The following MCTP2 variants were observed in gnomAD, a reference collection of about 807,000 sequenced individuals.
MCTP2 encodes multiple C2 and transmembrane domain containing 2.
Under a neutral mutation model 111.6 loss-of-function variants are expected in MCTP2, and 132 were observed. The ratio of observed to expected loss-of-function variants is 1.18; its 90% CI spans 1.03 to 1.37. MCTP2 has a LOEUF of 1.37. Ranked by LOEUF, MCTP2 falls within the 40% of genes most tolerant of loss-of-function variation. The pLI is 0.00. For missense variants in MCTP2, 1,183 were observed against 1,067.9 expected (o/e 1.11, Z -1.50); for synonymous variants, 395 against 387.7 (o/e 1.02, Z -0.22).
At chr15:94,317,038 G>A (rs1006237986) in intron 4 of MCTP2, among the ~76,000 whole-genome samples, 2 of 151,736 alleles carry the variant, frequency 1.3e-5, no homozygotes, top group Admixed American at 6.6e-5. Context: ...TCATTTTCTT[G>A]TCAGTTGTTT....
Position 94,367,722 on chromosome 15 carries a change from C to T in MCTP2, c.1419C>T (p.Val473=), listed in dbSNP as rs148770587. 6.8e-6 allele frequency: 11 copies of T among 1,609,028 alleles called. No individual in the cohort carries two copies. The African/African-American group carries it at 1.5e-4, about 22-fold the overall frequency. Residue 473 remains valine (V), a synonymous_variant, in exon 11 of 23, where the codon GTC becomes GTT. Coordinates refer to ENST00000357742, the MANE Select transcript of MCTP2 (RefSeq NM_001385001.1). ...TCACACTTACACCCTGTGCGGGGGT[C>T]TCCGTCTCTGATCTGTGTGTCTGCC... ...MLVTLTPCAG[V]SVSDLCVCPL...
intron 14 of MCTP2, among the ~76,000 whole-genome samples, chr15:94,385,977 A>G (rs1015061919): frequency 2.0e-5 from 3 of 152,142 alleles, no homozygotes; most frequent in Admixed American, 6.5e-5. Flanking sequence ...CAAAAGTTCT[A>G]TTTGTCTTTT....
At chr15:94,439,673 A>T (rs1358406919) in intron 17 of MCTP2, among the ~76,000 whole-genome samples, 2 of 152,192 alleles carry the variant, frequency 1.3e-5, no homozygotes, top group East Asian at 3.8e-4. Flanking sequence ...TCTGATGTAG[A>T]CAATGCTAGC....
At chr15:94,459,089 C>G (rs896243788) in intron 20 of MCTP2, among the ~76,000 whole-genome samples, 3 of 152,100 alleles carry the variant, frequency 2.0e-5, no homozygotes, top group Non-Finnish European at 2.9e-5. Flanking sequence ...TCATTTGGCA[C>G]CAATAAGTGG....
At chr15:94,285,324 AG>A (rs1219744759) in intron 1 of MCTP2, among the ~76,000 whole-genome samples, 2 of 152,234 alleles carry the variant, frequency 1.3e-5, no homozygotes, top group Non-Finnish European at 2.9e-5. Flanking sequence ...CTCAGAAGGA[AG>A]GCAGATAATT....
chr15:94,379,293 A>G (rs1161958330), intron 12 of MCTP2, among the ~76,000 whole-genome samples: 1 of 152,086 alleles, frequency 6.6e-6, no homozygotes, highest in Non-Finnish European at 1.5e-5. Context: ...TATGTGGGGT[A>G]AACAGAGAGA....
chr15:94,464,365 C>G (rs900286477), intron 20 of MCTP2, among the ~76,000 whole-genome samples: 3 of 15,160 alleles, frequency 2.0e-4, no homozygotes, highest in African/African-American at 1.3e-3. Context: ...AAATTTTCTA[C>G]TTGTTGATTT....
rs1040101528 is a variant in MCTP2, at chr15:94,481,005, G to A, written c.*1971G>A. On this transcript the variant is annotated 3_prime_UTR_variant, in exon 23 of 23. Coordinates refer to ENST00000357742, the MANE Select transcript of MCTP2 (RefSeq NM_001385001.1). ...ATTGTTAGTTGATTAAGTAGACATT[G>A]GATGTTTGTTAGAAAGGAATGTTAG... 2 of 152,072 alleles carry A rather than the reference G, an allele frequency of 1.3e-5. No homozygotes were observed. Among genetic ancestry groups the A allele is most frequent in the Admixed American group, 1.3e-4 (2 of 15,264 alleles). 9.4% of individuals were successfully genotyped at this position (152,072 alleles called of 1,614,324 possible). A position where few individuals can be genotyped will look rare whatever the true frequency, so the allele number is the denominator to read the frequency against.
At position 94,356,281 on chromosome 15, in the gene MCTP2, G is replaced by A; in HGVS notation, c.1150G>A (p.Asp384Asn). ...TEMFVQLKLGDQRYKSKTLCK... is the reference protein window; with the variant it reads ...TEMFVQLKLGNQRYKSKTLCK... ...GATGTTTGTCCAGTTAAAACTGGGA[G>A]ATCAGAGGTATAAAAGTAAGGTAAG... is the stretch of plus-strand genomic sequence containing the variant. The change falls in exon 9 of 23, where the codon GAT becomes AAT. Residue 384 changes from aspartate (D) to asparagine (N), a missense_variant. Asp to Asn is a conservative substitution (Grantham distance 23, BLOSUM62 1). Coordinates refer to ENST00000357742, the MANE Select transcript of MCTP2 (RefSeq NM_001385001.1). The A allele has an allele frequency of 1.9e-6, 3 of 1,608,858 alleles. No homozygotes were observed. The highest frequency in any genetic ancestry group is 8.5e-7 in the Non-Finnish European group (1 of 1,177,714).
intron 17 of MCTP2, chr15:94,403,156 G>A: frequency 1.0e-6 from 1 of 985,252 alleles, no homozygotes; most frequent in South Asian, 4.7e-5. Context: ...TCGGTGTAGA[G>A]GACCTATGCT....
At chr15:94,374,665 C>T (rs1412810966) in intron 12 of MCTP2, among the ~76,000 whole-genome samples, 1 of 152,144 alleles carries the variant, frequency 6.6e-6, no homozygotes, top group Non-Finnish European at 1.5e-5. Context: ...CTTCCTTCCC[C>T]ATAAAGGATG....
chr15:94,297,801 GT>G (rs2152333615), intron 1 of MCTP2, among the ~76,000 whole-genome samples: 1 of 152,292 alleles, frequency 6.6e-6, no homozygotes, highest in South Asian at 2.1e-4. Context: ...TTGACCTCCG[GT>G]TTAGAGAAGT....
At chr15:94,436,953 G>T (rs930692067) in intron 17 of MCTP2, among the ~76,000 whole-genome samples, 8 of 151,638 alleles carry the variant, frequency 5.3e-5, no homozygotes, top group Non-Finnish European at 1.0e-4. Flanking sequence ...ATTACTATTG[G>T]CTCTACTTTT....
chr15:94,259,289 G>T (rs905078044), intron 1 of MCTP2, among the ~76,000 whole-genome samples: 4 of 152,194 alleles, frequency 2.6e-5, no homozygotes, highest in Non-Finnish European at 5.9e-5. Context: ...CACCTTTAAA[G>T]AGAACATGCT....
In MCTP2 at chr15:94,367,938, A is replaced by T; in HGVS notation, c.1488+147A>T. The T allele has an allele frequency of 8.8e-6, 6 of 683,110 alleles. No homozygotes were observed. In the South Asian group the frequency reaches 1.4e-4, roughly 16 times the overall value. The allele number at this position is 683,110 out of a possible 1,614,324, so 42.3% of individuals were successfully genotyped here. A position where few individuals can be genotyped will look rare whatever the true frequency, so the allele number is the denominator to read the frequency against. On this transcript the variant is annotated intron_variant, in intron 11 of 22. Coordinates refer to ENST00000357742, the MANE Select transcript of MCTP2 (RefSeq NM_001385001.1). ...TTCCTTGTACGTCATAAAACAAGACATCAGACTTAGGGGTTAATGCATTAG... is the reference window on the plus strand; with the variant it reads ...TTCCTTGTACGTCATAAAACAAGACTTCAGACTTAGGGGTTAATGCATTAG...
At chr15:94,431,820 C>T (rs16949124) in intron 17 of MCTP2, among the ~76,000 whole-genome samples, 14,632 of 151,946 alleles carry the variant, frequency 0.096, 816 homozygotes, top group East Asian at 0.16. Flanking sequence ...GATGATTTTT[C>T]ATAAAGATGG....
chr15:94,345,015 A>G, intron 7 of MCTP2, 114 bp from the exon 8 acceptor site: 1 of 1,210,648 alleles, frequency 8.3e-7, no homozygotes, highest in Non-Finnish European at 1.2e-6. Context: ...CTTGGATATT[A>G]ATTATCTGAA....
At chr15:94,401,753 A>C in intron 16 of MCTP2, 147 bp from the exon 17 acceptor site, 1 of 494,032 alleles carries the variant, frequency 2.0e-6, no homozygotes. Flanking sequence ...GACTTTTAGA[A>C]GTGTCAGGTC....
At chr15:94,434,857 C>CT (rs751539621) in intron 17 of MCTP2, among the ~76,000 whole-genome samples, 5,587 of 139,030 alleles carry the variant, frequency 0.04, 236 homozygotes, top group African/African-American at 0.11. Context: ...TTCTTTCTTT[C>CT]TTTTTTTTTT....
Sources: allele counts gnomAD v4.1 joint callset (sites outside exome capture counted in the v4.1 genomes callset), GRCh38; gene constraint gnomAD v4.1.1; transcripts MANE v1.5; gene names NCBI Gene and HGNC (gene_info 2026-07-23, HGNC 2026-07-21).